Variants in NALF1 observed in about 807,000 individuals in gnomAD.
NALF1 encodes NALCN channel auxiliary factor 1.
In NALF1, 3 loss-of-function variants were observed where a neutral mutation model predicts 48.4. The ratio of observed to expected loss-of-function variants is 0.06; its 90% CI spans 0.03 to 0.16. NALF1 has a LOEUF of 0.16. Ranked by LOEUF, NALF1 falls within the 10% of genes least tolerant of loss-of-function variation. The pLI is 1.00. For missense variants in NALF1, 526 were observed against 571.5 expected (o/e 0.92, Z 0.81); for synonymous variants, 262 against 245.7 (o/e 1.07, Z -0.62).
chr13:107,662,343 T>C (rs1233451680), intron 1 of NALF1, among the ~76,000 whole-genome samples: 2 of 152,192 alleles, frequency 1.3e-5, no homozygotes, highest in Non-Finnish European at 2.9e-5. Flanking sequence ...TTCCAGGACA[T>C]GTTGCTAAGA....
At chr13:107,617,193 A>G (rs1192365293) in intron 1 of NALF1, among the ~76,000 whole-genome samples, 1 of 152,192 alleles carries the variant, frequency 6.6e-6, no homozygotes, top group Non-Finnish European at 1.5e-5. Flanking sequence ...GAACTGAAGC[A>G]TAAAGATGTT....
At chr13:107,348,594 A>C (rs1882815731) in intron 1 of NALF1, among the ~76,000 whole-genome samples, 1 of 145,394 alleles carries the variant, frequency 6.9e-6, no homozygotes, top group Non-Finnish European at 1.5e-5. Context: ...CCCTCCCCTT[A>C]CCTCCCACCC....
chr13:107,287,548 C>G (rs1881520274), intron 1 of NALF1, among the ~76,000 whole-genome samples: 1 of 152,070 alleles, frequency 6.6e-6, no homozygotes, highest in Non-Finnish European at 1.5e-5. Context: ...TACAGCATTT[C>G]TGAAGACAGG....
At chr13:107,622,649 G>T (rs1879557538) in intron 1 of NALF1, among the ~76,000 whole-genome samples, 1 of 152,122 alleles carries the variant, frequency 6.6e-6, no homozygotes, top group African/African-American at 2.4e-5. Context: ...AAATCATTCT[G>T]CTCAGATGGG....
intron 1 of NALF1, among the ~76,000 whole-genome samples, chr13:107,242,399 G>T (rs1336771436): frequency 6.6e-6 from 1 of 152,172 alleles, no homozygotes; most frequent in Admixed American, 6.5e-5. Context: ...GGCGCTGTCA[G>T]GCTGTGACCT....
intron 1 of NALF1, among the ~76,000 whole-genome samples, chr13:107,600,125 G>C (rs1324954768): frequency 1.3e-5 from 2 of 152,124 alleles, no homozygotes; most frequent in Admixed American, 1.3e-4. Context: ...GCCTCTTCAG[G>C]AAATATTGTA....
intron 1 of NALF1, among the ~76,000 whole-genome samples, chr13:107,744,800 A>G (rs530918265): frequency 1.1e-4 from 17 of 152,362 alleles, no homozygotes; most frequent in Admixed American, 3.3e-4. Context: ...GTATAACATA[A>G]TTAAACTCTC....
chr13:107,211,379 G>T (rs1879758301), intron 1 of NALF1, among the ~76,000 whole-genome samples: 1 of 152,196 alleles, frequency 6.6e-6, no homozygotes, highest in African/African-American at 2.4e-5. Flanking sequence ...CATATGCTGT[G>T]GTGTGGTTGG....
chr13:107,553,234 T>C (rs1877350068), intron 1 of NALF1, among the ~76,000 whole-genome samples: 1 of 152,208 alleles, frequency 6.6e-6, no homozygotes, highest in Admixed American at 6.5e-5. Context: ...AACTGGTTTA[T>C]AACACGTAAC....
intron 1 of NALF1, among the ~76,000 whole-genome samples, chr13:107,670,018 C>T (rs966374666): frequency 2.6e-5 from 4 of 152,102 alleles, no homozygotes; most frequent in Non-Finnish European, 5.9e-5. Flanking sequence ...CAAATAGTCA[C>T]TCTTAAACAC....
intron 1 of NALF1, among the ~76,000 whole-genome samples, chr13:107,331,564 G>C (rs578229347): frequency 6.6e-6 from 1 of 152,218 alleles, no homozygotes; most frequent in Non-Finnish European, 1.5e-5. Flanking sequence ...AATTACTTTT[G>C]CACCAATCTA....
intron 1 of NALF1, among the ~76,000 whole-genome samples, chr13:107,521,776 C>T (rs1594107890): frequency 6.6e-6 from 1 of 152,022 alleles, no homozygotes; most frequent in East Asian, 1.9e-4. Flanking sequence ...CCTAGGAGTA[C>T]AAGAAAGACT....
chr13:107,435,387 T>C (rs1884447844), intron 1 of NALF1, among the ~76,000 whole-genome samples: 1 of 152,140 alleles, frequency 6.6e-6, no homozygotes, highest in African/African-American at 2.4e-5. Flanking sequence ...GCAGACCCAC[T>C]TGAGGTGTTT....
intron 1 of NALF1, among the ~76,000 whole-genome samples, chr13:107,632,328 C>T (rs1879856379): frequency 6.6e-6 from 1 of 152,128 alleles, no homozygotes; most frequent in African/African-American, 2.4e-5. Flanking sequence ...CTGTGTGATG[C>T]TTCTGGATTC....
At chr13:107,717,833 C>T (rs912053056) in intron 1 of NALF1, among the ~76,000 whole-genome samples, 6 of 152,240 alleles carry the variant, frequency 3.9e-5, no homozygotes, top group South Asian at 2.1e-4. Flanking sequence ...ACAATCAGGG[C>T]ACAGAGATGA....
chr13:107,838,433 A>T (rs1462769155), intron 1 of NALF1, among the ~76,000 whole-genome samples: 1 of 152,140 alleles, frequency 6.6e-6, no homozygotes, highest in Non-Finnish European at 1.5e-5. Context: ...TTTTCCTGTA[A>T]TCGCTTACAC....
chr13:107,610,340 A>G (rs987036699), intron 1 of NALF1, among the ~76,000 whole-genome samples: 1 of 152,224 alleles, frequency 6.6e-6, no homozygotes, highest in Admixed American at 6.5e-5. Context: ...AAAATTTATT[A>G]AAGAAATTCC....
intron 2 of NALF1, among the ~76,000 whole-genome samples, chr13:107,175,114 C>T (rs905602539): frequency 6.8e-6 from 1 of 146,652 alleles, no homozygotes; most frequent in Non-Finnish European, 1.5e-5. Flanking sequence ...TGTTCTCGAT[C>T]TCCTGACCTC....
intron 1 of NALF1, among the ~76,000 whole-genome samples, chr13:107,825,535 C>T (rs1391527898): frequency 6.6e-6 from 1 of 152,206 alleles, no homozygotes; most frequent in Non-Finnish European, 1.5e-5. Flanking sequence ...AGAAAAAGCA[C>T]TTCACAGAGA....
Sources: allele counts gnomAD v4.1 joint callset (sites outside exome capture counted in the v4.1 genomes callset), GRCh38; gene constraint gnomAD v4.1.1; transcripts MANE v1.5; gene names NCBI Gene and HGNC (gene_info 2026-07-23, HGNC 2026-07-21).